Variants in ANKS1B observed in about 807,000 individuals in gnomAD.
ANKS1B encodes the protein ankyrin repeat and sterile alpha motif domain-containing protein 1B.
Under a neutral mutation model 148.3 loss-of-function variants are expected in ANKS1B, and 36 were observed. The observed-to-expected ratio is 0.24, with a 90% CI of 0.19 to 0.32. The LOEUF is 0.32. ANKS1B is among the 10% of genes least tolerant of loss of function. The pLI, the probability that ANKS1B is intolerant of heterozygous loss-of-function variation, is 1.00. For missense variants in ANKS1B, 1,157 were observed against 1,542.6 expected (o/e 0.75, Z 4.19); for synonymous variants, 542 against 560.8 (o/e 0.97, Z 0.47).
chr12:99,155,085 C>A, intron 14 of ANKS1B: 1 of 1,528,156 alleles, frequency 6.5e-7, no homozygotes, highest in Non-Finnish European at 8.7e-7. Flanking sequence ...ACTGGTTATA[C>A]GTTACAGAGC....
At chr12:98,905,714 G>A (rs1289164631) in intron 17 of ANKS1B, among the ~76,000 whole-genome samples, 1 of 152,066 alleles carries the variant, frequency 6.6e-6, no homozygotes, top group Non-Finnish European at 1.5e-5. Context: ...TGAGGCTGTA[G>A]TGAGCCAAGA....
At chr12:99,940,639 T>C (rs941136717) in intron 1 of ANKS1B, among the ~76,000 whole-genome samples, 2 of 152,150 alleles carry the variant, frequency 1.3e-5, no homozygotes, top group African/African-American at 2.4e-5. Flanking sequence ...TACATCTTAC[T>C]TAACGCTTCC....
intron 17 of ANKS1B, among the ~76,000 whole-genome samples, chr12:99,000,262 TTTTTCC>T (rs2099932138): frequency 6.8e-6 from 1 of 146,248 alleles, no homozygotes; most frequent in African/African-American, 2.6e-5. Flanking sequence ...TTTCTTTTTC[TTTTTCC>T]TTTTTTTTTT....
intron 14 of ANKS1B, among the ~76,000 whole-genome samples, chr12:99,203,311 A>T (rs2082278581): frequency 6.6e-6 from 1 of 152,112 alleles, no homozygotes. Flanking sequence ...ACCTTTACTC[A>T]TCCTGGGCCC....
At chr12:99,251,388 T>A (rs1602080654) in intron 12 of ANKS1B, among the ~76,000 whole-genome samples, 1 of 152,354 alleles carries the variant, frequency 6.6e-6, no homozygotes, top group East Asian at 1.9e-4. Flanking sequence ...GTTTGTATAT[T>A]TTAAAAAGTA....
At chr12:99,701,795 T>C (rs983316793) in intron 8 of ANKS1B, among the ~76,000 whole-genome samples, 1 of 152,118 alleles carries the variant, frequency 6.6e-6, no homozygotes, top group Non-Finnish European at 1.5e-5. Context: ...CATGCAAAGT[T>C]TGTCTTTCTG....
At chr12:98,740,900 G>A (rs1399057004), downstream of ANKS1B, among the ~76,000 whole-genome samples, 2 of 152,240 alleles carry the variant, frequency 1.3e-5, no homozygotes, top group East Asian at 3.9e-4. Context: ...CTAATGCCTG[G>A]AATATGTGTG....
chr12:99,161,269 G>A (rs2076633430), intron 14 of ANKS1B, among the ~76,000 whole-genome samples: 1 of 152,188 alleles, frequency 6.6e-6, no homozygotes, highest in South Asian at 2.1e-4. Context: ...TTACACAGTG[G>A]CTCATTCCTG....
At chr12:99,587,772 T>C (rs1435070614) in intron 9 of ANKS1B, among the ~76,000 whole-genome samples, 1 of 152,162 alleles carries the variant, frequency 6.6e-6, no homozygotes, top group Non-Finnish European at 1.5e-5. Flanking sequence ...AAGATTTTTA[T>C]ACCATAAGTA....
At chr12:99,270,079 A>G (rs1216952118) in intron 12 of ANKS1B, among the ~76,000 whole-genome samples, 2 of 152,206 alleles carry the variant, frequency 1.3e-5, no homozygotes, top group Non-Finnish European at 2.9e-5. Context: ...CAGAGACTGG[A>G]GTGAAAGTGA....
chr12:99,598,753 T>C (rs530738768), intron 9 of ANKS1B, among the ~76,000 whole-genome samples: 1 of 152,174 alleles, frequency 6.6e-6, no homozygotes, highest in South Asian at 2.1e-4. Flanking sequence ...ATATATGTGA[T>C]AAAAAGAAGC....
At chr12:99,399,939 A>G in intron 11 of ANKS1B, 128 bp from the exon 12 acceptor site, 2 of 806,714 alleles carry the variant, frequency 2.5e-6, no homozygotes, top group Admixed American at 2.8e-5. Flanking sequence ...TACTTAAAAT[A>G]TAATTGTGCT....
chr12:99,947,388 C>T (rs908008524), intron 1 of ANKS1B, among the ~76,000 whole-genome samples: 13 of 151,874 alleles, frequency 8.6e-5, no homozygotes, highest in South Asian at 6.2e-4. Context: ...TTTTTGGACA[C>T]CAGGGAGACA....
chr12:99,369,861 T>TAGA (rs1039930172), intron 12 of ANKS1B, among the ~76,000 whole-genome samples: 1 of 150,998 alleles, frequency 6.6e-6, no homozygotes, highest in Non-Finnish European at 1.5e-5. Flanking sequence ...GATAGATAGA[T>TAGA]AGATAGATAG....
Position 99,085,019 on chromosome 12 carries a change from C to T in ANKS1B, c.2531G>A (p.Ser844Asn). ...NGFDNVQFMGSNVMEDQDLLE... is the reference protein window; with the variant it reads ...NGFDNVQFMGNNVMEDQDLLE... ...CAAATCCTGATCTTCCATAACATTG[C>T]TTCCCTGAAACAAAACAGAAATGTT... The change falls in exon 16 of 27, where the codon AGC (serine) becomes AAC (asparagine). Residue 844 changes from serine (S) to asparagine (N), a missense_variant. Ser to Asn is a conservative substitution (Grantham distance 46). Transcript: ENST00000683438. 7 of 1,604,464 alleles carry T rather than the reference C, an allele frequency of 4.4e-6. No homozygotes were observed. The highest frequency in any genetic ancestry group is 6.0e-6 in the Non-Finnish European group (7 of 1,174,694).
intron 17 of ANKS1B, among the ~76,000 whole-genome samples, chr12:98,916,063 A>G (rs1038847830): frequency 1.3e-5 from 2 of 152,218 alleles, no homozygotes; most frequent in African/African-American, 4.8e-5. Flanking sequence ...TGTTGTGGCC[A>G]GACAATTATT....
intron 17 of ANKS1B, among the ~76,000 whole-genome samples, chr12:98,948,052 G>A (rs1306474675): frequency 1.3e-5 from 2 of 151,856 alleles, no homozygotes; most frequent in Admixed American, 6.6e-5. Flanking sequence ...TAGCAGAAGT[G>A]CAATTATTAA....
At chr12:98,877,268 C>T (rs1253688219) in intron 17 of ANKS1B, among the ~76,000 whole-genome samples, 1 of 152,188 alleles carries the variant, frequency 6.6e-6, no homozygotes, top group African/African-American at 2.4e-5. Context: ...GCCAAGGTAT[C>T]ATCTTGATTC....
chr12:98,932,702 A>G (rs2099814782), intron 17 of ANKS1B, among the ~76,000 whole-genome samples: 1 of 152,202 alleles, frequency 6.6e-6, no homozygotes, highest in African/African-American at 2.4e-5. Context: ...TGATGTTAAT[A>G]TATATTCCTG....
Sources: allele counts gnomAD v4.1 joint callset (sites outside exome capture counted in the v4.1 genomes callset), GRCh38; gene constraint gnomAD v4.1.1; transcripts MANE v1.5; gene names NCBI Gene and HGNC (gene_info 2026-07-23, HGNC 2026-07-21).